Variants in HAUS6 observed in about 807,000 individuals in gnomAD.
HAUS6 encodes the protein HAUS augmin like complex subunit 6.
HAUS6 carries 80 observed loss-of-function variants against 106.8 expected under a neutral mutation model. That is an observed-to-expected ratio of 0.75 (90% confidence interval 0.63 to 0.90). HAUS6 has a LOEUF of 0.90. HAUS6 is among the 40% of genes least tolerant of loss of function. The pLI, the probability that HAUS6 is intolerant of heterozygous loss-of-function variation, is 0.00. For synonymous variants in HAUS6, 356 were observed against 379.1 expected, an observed-to-expected ratio of 0.94 and a Z score of 0.71; for missense variants, 1,155 against 1,118.1, an observed-to-expected ratio of 1.03 and a Z score of -0.47.
In HAUS6 at chr9:19,053,779, T is replaced by C. The variant is rs1342998371; in HGVS notation, c.*2564A>G. The C allele has an allele frequency of 6.6e-6, 1 of 152,138 alleles. No individual in the cohort carries two copies. Among genetic ancestry groups the C allele is most frequent in the African/African-American group, 2.4e-5 (1 of 41,428 alleles). 9.4% of individuals were successfully genotyped at this position (152,138 alleles called of 1,614,324 possible). A position where few individuals can be genotyped will look rare whatever the true frequency, so the allele number is the denominator to read the frequency against. On this transcript the variant is annotated 3_prime_UTR_variant, in exon 17 of 17. Coordinates refer to ENST00000380502, the MANE Select transcript of HAUS6 (RefSeq NM_017645.5). ...CCTCTTTACCATTTATTCCATGATA[T>C]AGGAGGCAAACAAAACAATTCCAAA...
At chr9:19,094,421 G>A in intron 2 of HAUS6, 26 bp from the exon 3 acceptor site, 1 of 1,359,920 alleles carries the variant, frequency 7.4e-7, no homozygotes, top group Non-Finnish European at 1.0e-6. Context: ...AAAAGCGTAA[G>A]GACTATGCAC....
intron 1 of HAUS6, among the ~76,000 whole-genome samples, chr9:19,099,376 T>A (rs202023013): frequency 6.6e-6 from 1 of 152,038 alleles, no homozygotes; most frequent in Non-Finnish European, 1.5e-5. Context: ...CCGTGTTAGC[T>A]AGGATGGTCT....
intron 11 of HAUS6, among the ~76,000 whole-genome samples, chr9:19,072,508 CA>C (rs200403186): frequency 0.049 from 6,226 of 126,904 alleles, 140 homozygotes; most frequent in South Asian, 0.081. Context: ...GACTCTGTCT[CA>C]AAAAAAAAAA....
In HAUS6 at chr9:19,054,607, A is replaced by T. The variant is rs535068000; in HGVS notation, c.*1736T>A. 6.6e-6 allele frequency: 1 copy of T among 152,342 alleles called. No homozygotes were observed. The highest frequency in any genetic ancestry group is 2.4e-5 in the African/African-American group (1 of 41,582). The allele number at this position is 152,342 out of a possible 1,614,324, so 9.4% of individuals were successfully genotyped here. A position where few individuals can be genotyped will look rare whatever the true frequency, so the allele number is the denominator to read the frequency against. On this transcript the variant is annotated 3_prime_UTR_variant, in exon 17 of 17. Transcript: ENST00000380502. ...CTGCTCTTTTGATTCTCAGTAATTA[A>T]GGGTTTCTCAGACTTGGGTGGCCAA...
At chr9:19,099,202 T>C (rs936186819) in intron 1 of HAUS6, among the ~76,000 whole-genome samples, 6 of 150,498 alleles carry the variant, frequency 4.0e-5, no homozygotes, top group Admixed American at 2.6e-4. Context: ...AGTCTCGCTC[T>C]GTCCCCCAGG....
At chr9:19,076,167 C>T (rs962054790) in intron 11 of HAUS6, among the ~76,000 whole-genome samples, 2 of 150,802 alleles carry the variant, frequency 1.3e-5, no homozygotes, top group African/African-American at 4.9e-5. Context: ...CAAGATCAGC[C>T]CGGGCAACAT....
At chr9:19,100,495 T>C (rs1247042979) in intron 1 of HAUS6, among the ~76,000 whole-genome samples, 1 of 152,212 alleles carries the variant, frequency 6.6e-6, no homozygotes, top group African/African-American at 2.4e-5. Context: ...GAATGTAAAG[T>C]AGTACAGCCA....
rs1233166129 is a variant in HAUS6 at position 19,054,725 on chromosome 9, G to A, written c.*1618C>T. On this transcript the variant is annotated 3_prime_UTR_variant, in exon 17 of 17. Transcript: ENST00000380502. Reference sequence around the variant, plus strand: ...TTAAAAGTACCACAGGGTTAAATGTGAATCTCTATTTCCTAGCAGCAGTTC... The same window carrying A: ...TTAAAAGTACCACAGGGTTAAATGTAAATCTCTATTTCCTAGCAGCAGTTC... 2 of 152,288 alleles carry A rather than the reference G, an allele frequency of 1.3e-5. No individual in the cohort carries two copies. The highest frequency in any genetic ancestry group is 2.1e-4 in the South Asian group (1 of 4,820). 9.4% of individuals were successfully genotyped at this position (152,288 alleles called of 1,614,324 possible).
At chr9:19,066,568 G>C (rs752043194) in intron 12 of HAUS6, among the ~76,000 whole-genome samples, 1 of 151,626 alleles carries the variant, frequency 6.6e-6, no homozygotes, top group Non-Finnish European at 1.5e-5. Flanking sequence ...GAAATATCAT[G>C]GAACTCCCCC....
chr9:19,081,291 G>A (rs1433239801), intron 8 of HAUS6, among the ~76,000 whole-genome samples: 6 of 152,186 alleles, frequency 3.9e-5, no homozygotes, highest in Non-Finnish European at 7.4e-5. Flanking sequence ...GAAACAGCAG[G>A]TTTAGTGAAA....
At chr9:19,097,734 G>T in intron 1 of HAUS6, among the ~76,000 whole-genome samples, 1 of 150,668 alleles carries the variant, frequency 6.6e-6, no homozygotes. Flanking sequence ...AGTTTTTATT[G>T]TGCCAATTAC....
At position 19,089,413 on chromosome 9, in the gene HAUS6, G is replaced by C; in HGVS notation, c.583C>G (p.Gln195Glu). ...CVTQKYQENA[Q>E]LSVKQVRNLR... ...TCTAACTATCAAGGTACTACTTACT[G>C]TGCATTTTCCTGATATTTTTGGGTA... Residue 195 changes from glutamine to glutamate, a missense_variant and splice_region_variant, in exon 5 of 17, where the codon CAA (glutamine) becomes GAA (glutamate). This residue lies in a region of HAUS6 where 761 missense variants were observed against 690.0 expected (regional missense o/e 1.10). Transcript: ENST00000380502. 1.3e-6 allele frequency: 2 copies of C among 1,593,892 alleles called. No individual in the cohort carries two copies. The highest frequency in any genetic ancestry group is 4.5e-5 in the East Asian group (2 of 44,788).
At chr9:19,070,356 C>T in intron 11 of HAUS6, 56 bp from the exon 12 acceptor site, 1 of 957,880 alleles carries the variant, frequency 1.0e-6, no homozygotes. Context: ...TTCTAACATT[C>T]AAGGATTCCT....
chr9:19,059,558 GA>G (rs1836562259), intron 15 of HAUS6, among the ~76,000 whole-genome samples: 1 of 152,218 alleles, frequency 6.6e-6, no homozygotes, highest in African/African-American at 2.4e-5. Flanking sequence ...CAGCAAAACA[GA>G]AATTATTTAA....
At chr9:19,066,928 G>C (rs1836771164) in intron 12 of HAUS6, among the ~76,000 whole-genome samples, 2 of 151,384 alleles carry the variant, frequency 1.3e-5, no homozygotes, top group Non-Finnish European at 2.9e-5. Context: ...GATCACTTGA[G>C]CCCAGGAGAT....
At chr9:19,070,046 C>G (rs1306796414) in intron 12 of HAUS6, among the ~76,000 whole-genome samples, 173 bp downstream of exon 12, 6 of 152,156 alleles carry the variant, frequency 3.9e-5, no homozygotes. Flanking sequence ...CAGGAGTGAG[C>G]CACTACATCC....
At chr9:19,060,359 A>G in intron 14 of HAUS6, 136 bp from the exon 15 acceptor site, 1 of 630,142 alleles carries the variant, frequency 1.6e-6, no homozygotes, top group South Asian at 2.6e-5. Context: ...ATAAGCAACA[A>G]AGAAGTTCCC....
chr9:19,087,846 CAAAAA>C (rs71333081), intron 5 of HAUS6, among the ~76,000 whole-genome samples: 1 of 78,716 alleles, frequency 1.3e-5, no homozygotes, highest in African/African-American at 4.7e-5. Context: ...GACCTTGTCT[CAAAAA>C]AAAAAAAAAA....
At chr9:19,082,768 A>T (rs1338565985) in intron 8 of HAUS6, 105 bp downstream of exon 8, 2 of 654,674 alleles carry the variant, frequency 3.1e-6, no homozygotes, top group African/African-American at 3.8e-5. Flanking sequence ...AAAACAAAAA[A>T]CAAAAAACAA....
Sources: allele counts gnomAD v4.1 joint callset (sites outside exome capture counted in the v4.1 genomes callset), GRCh38; gene constraint gnomAD v4.1.1; regional missense constraint gnomAD v4.1.1; transcripts MANE v1.5; gene names NCBI Gene and HGNC (gene_info 2026-07-23, HGNC 2026-07-21).